TARS3: variants seen among roughly 807,000 people sequenced by gnomAD.
The protein encoded by TARS3 is threonyl-tRNA synthetase 3, also known as threonine--tRNA ligase 2, cytoplasmic.
A neutral mutation model predicts 103.5 loss-of-function variants in TARS3; 94 were observed. The observed-to-expected ratio is 0.91, with a 90% CI of 0.77 to 1.08. TARS3 has a LOEUF of 1.08. Ranked by LOEUF, TARS3 falls within the 50% of genes least tolerant of loss-of-function variation. The probability of loss-of-function intolerance (pLI) is 0.00; values close to 1 mark genes in which losing one functional copy is unlikely to be tolerated. For synonymous variants in TARS3, 416 were observed against 355.4 expected, an observed-to-expected ratio of 1.17 and a Z score of -1.92; for missense variants, 952 against 995.2, an observed-to-expected ratio of 0.96 and a Z score of 0.58.
chr15:101,657,969 G>T, intron 16 of TARS3, 112 bp from the exon 17 acceptor site: 1 of 648,572 alleles, frequency 1.5e-6, no homozygotes, highest in Non-Finnish European at 2.5e-6. Flanking sequence ...GGCAGTTTCA[G>T]TAGCGCAGCA....
intron 13 of TARS3, among the ~76,000 whole-genome samples, chr15:101,672,157 G>C (rs1187130532): frequency 1.3e-5 from 2 of 152,074 alleles, no homozygotes; most frequent in African/African-American, 4.8e-5. Context: ...TCTGAGTCTG[G>C]GTGGGTAAGA....
At chr15:101,695,548 T>C (rs1016876681) in intron 10 of TARS3, among the ~76,000 whole-genome samples, 1 of 152,214 alleles carries the variant, frequency 6.6e-6, no homozygotes, top group African/African-American at 2.4e-5. Context: ...AACGCTTCTA[T>C]GAACATCCAA....
intron 16 of TARS3, among the ~76,000 whole-genome samples, chr15:101,658,664 G>T (rs1228039049): frequency 6.6e-6 from 1 of 152,196 alleles, no homozygotes; most frequent in Non-Finnish European, 1.5e-5. Context: ...TGCATGTGAG[G>T]CTGGTGAAAT....
At chr15:101,655,414 C>A (rs565427492) in intron 18 of TARS3, among the ~76,000 whole-genome samples, 5 of 124,454 alleles carry the variant, frequency 4.0e-5, no homozygotes, top group East Asian at 2.7e-4. Flanking sequence ...GGCACTAGGG[C>A]GCAAATGAGA....
At position 101,711,828 on chromosome 15, in the gene TARS3, G is replaced by A. The variant is rs896300363; in HGVS notation, c.812+52C>T. ...ACTAGGCTAGTATGTAACCATTACAGAACAATACAATTGAAACACATGCAT... is the reference window on the plus strand; with the variant it reads ...ACTAGGCTAGTATGTAACCATTACAAAACAATACAATTGAAACACATGCAT... On this transcript the variant is annotated intron_variant, in intron 5 of 18. Transcript: ENST00000335968. 6.9e-6 allele frequency: 11 copies of A among 1,595,294 alleles called. No homozygotes were observed. In the Admixed American group the frequency reaches 8.4e-5, roughly 12 times the overall value.
chr15:101,695,435 T>C (rs1898925577), intron 10 of TARS3, among the ~76,000 whole-genome samples: 1 of 152,242 alleles, frequency 6.6e-6, no homozygotes, highest in South Asian at 2.1e-4. Flanking sequence ...ATCTCACTGC[T>C]TGTAAATGCT....
Position 101,653,699 on chromosome 15 carries a change from C to A in TARS3, c.*883G>T, listed in dbSNP as rs1056588302. 6.6e-6 allele frequency: 1 copy of A among 152,202 alleles called. No individual in the cohort carries two copies. The highest frequency in any genetic ancestry group is 2.4e-5 in the African/African-American group (1 of 41,462). 9.4% of individuals were successfully genotyped at this position (152,202 alleles called of 1,614,324 possible). ...TGAAAAGAGATTATTTCTTACATTT[C>A]TTTTGAATTTCACAGCATATCGCAA... On this transcript the variant is annotated 3_prime_UTR_variant, in exon 19 of 19. Coordinates refer to ENST00000335968, the MANE Select transcript of TARS3 (RefSeq NM_152334.3).
chr15:101,697,685 T>A, intron 10 of TARS3, among the ~76,000 whole-genome samples: 1 of 152,060 alleles, frequency 6.6e-6, no homozygotes, highest in East Asian at 1.9e-4. Flanking sequence ...ACGGTAAAGA[T>A]CTTAAGGGCG....
Position 101,724,358 on chromosome 15 carries a change from G to T in TARS3, c.30C>A (p.Ala10=). 6.5e-7 allele frequency: 1 copy of T among 1,540,240 alleles called. No homozygotes were observed. The highest frequency in any genetic ancestry group is 1.2e-5 in the South Asian group (1 of 83,796). The change falls in exon 1 of 19, where the codon GCC becomes GCA. Residue 10 remains alanine (A), a synonymous_variant. Coordinates refer to ENST00000335968, the MANE Select transcript of TARS3 (RefSeq NM_152334.3). The part of the protein sequence containing the change: MAAEALAAE[A]VASRLERQEE... ...CCTGCCGCTCCAGGCGCGACGCCACGGCCTCCGCCGCCAGGGCCTCGGCCG... is the reference window on the plus strand; with the variant it reads ...CCTGCCGCTCCAGGCGCGACGCCACTGCCTCCGCCGCCAGGGCCTCGGCCG...
At chr15:101,705,424 A>C (rs992504173) in intron 7 of TARS3, among the ~76,000 whole-genome samples, 39 of 152,242 alleles carry the variant, frequency 2.6e-4, no homozygotes, top group African/African-American at 9.2e-4. Flanking sequence ...CTTTCCCAAC[A>C]GTATCACTCA....
Position 101,711,937 on chromosome 15 carries a change from A to G in TARS3, c.755T>C (p.Leu252Pro), listed in dbSNP as rs1263339031. The G allele has an allele frequency of 1.9e-6, 3 of 1,614,024 alleles. No homozygotes were observed. The highest frequency in any genetic ancestry group is 2.2e-5 in the South Asian group (2 of 91,082). ...ATTTTCAATGGGCGGACCGTAGCAC[A>G]GGTGGCCTCCATAGTAAAGCTCCAT... ...EAMELYYGGH[L>P]CYGPPIENGF... The change falls in exon 5 of 19, where the codon CTG becomes CCG. Residue 252 changes from leucine (L) to proline (P), a missense_variant. By Grantham distance (98) the Leu-to-Pro change is moderately conservative. Transcript: ENST00000335968.
rs373659239 is a variant in TARS3, at chr15:101,722,840, C to A, written c.369+253G>T. On this transcript the variant is annotated intron_variant, in intron 2 of 18. Coordinates refer to ENST00000335968, the MANE Select transcript of TARS3 (RefSeq NM_152334.3). ...CCTTCAAAAAACAAAAAAAAACCAA[C>A]CAAACAAAAAAAACCAACTCTAGTA... 3.8e-4 allele frequency among the ~76,000 whole-genome samples: 57 copies of A among 151,224 alleles called. No individual in the cohort carries two copies. The East Asian group carries it at 8.8e-3, about 23-fold the overall frequency.
At chr15:101,655,307 G>T (rs536222976) in intron 18 of TARS3, among the ~76,000 whole-genome samples, 1 of 140,736 alleles carries the variant, frequency 7.1e-6, no homozygotes, top group East Asian at 2.2e-4. Context: ...GGGCGCAGAT[G>T]AGAGGGGGGA....
intron 15 of TARS3, among the ~76,000 whole-genome samples, chr15:101,662,820 A>G (rs563878716): frequency 1.3e-5 from 2 of 152,354 alleles, no homozygotes; most frequent in Non-Finnish European, 2.9e-5. Context: ...TTTCTGTCCC[A>G]TCATTTCTTT....
intron 15 of TARS3, among the ~76,000 whole-genome samples, chr15:101,662,155 A>C (rs890466976): frequency 1.3e-5 from 2 of 152,140 alleles, no homozygotes; most frequent in Non-Finnish European, 2.9e-5. Context: ...TATCTCCCAC[A>C]TTATAATCTT....
chr15:101,704,814 G>T (rs1197568743), intron 7 of TARS3, among the ~76,000 whole-genome samples: 1 of 151,994 alleles, frequency 6.6e-6, no homozygotes, highest in Non-Finnish European at 1.5e-5. Context: ...TTAGAAGCCA[G>T]AAATTTAAAA....
intron 18 of TARS3, chr15:101,656,169 T>C: frequency 2.6e-6 from 2 of 758,048 alleles, no homozygotes; most frequent in South Asian, 1.5e-5. Flanking sequence ...CTACCTTTCA[T>C]GTCATGGGAT....
intron 16 of TARS3, among the ~76,000 whole-genome samples, chr15:101,660,144 G>C (rs1398484621): frequency 6.6e-6 from 1 of 152,174 alleles, no homozygotes; most frequent in East Asian, 1.9e-4. Context: ...AGTATCATCC[G>C]GTGCCCAGTG....
rs763312015 is a variant in TARS3, at chr15:101,654,302, G to GT, written c.*279dup. The GT allele has an allele frequency of 9.4e-6, 3 of 318,086 alleles. No homozygotes were observed. Among genetic ancestry groups the GT allele is most frequent in the Non-Finnish European group, 1.7e-5 (3 of 177,742 alleles). 19.7% of individuals were successfully genotyped at this position (318,086 alleles called of 1,614,324 possible). A position where few individuals can be genotyped will look rare whatever the true frequency, so the allele number is the denominator to read the frequency against. On this transcript the variant is annotated 3_prime_UTR_variant, in exon 19 of 19. Transcript: ENST00000335968. Reference sequence around the variant, plus strand: ...TAACATTTCATAATCATTTCCTAGTGTTTTGTTTCACTTTCTCGATGAATA... The same window carrying GT: ...TAACATTTCATAATCATTTCCTAGTGTTTTTGTTTCACTTTCTCGATGAATA...
Sources: gnomAD v4.1 joint callset for allele counts (sites outside exome capture counted in the v4.1 genomes callset) on GRCh38, gnomAD v4.1.1 for gene constraint, MANE v1.5 for transcripts, NCBI Gene and HGNC (gene_info 2026-07-23, HGNC 2026-07-21) for gene names.